Variants in DPYD observed in about 807,000 individuals in gnomAD.
DPYD encodes dihydropyrimidine dehydrogenase [NADP(+)].
DPYD carries 109 observed loss-of-function variants against 116.2 expected under a neutral mutation model. The observed-to-expected ratio is 0.94, with a 90% CI of 0.80 to 1.10. The LOEUF (loss-of-function observed/expected upper bound fraction) is 1.10, where lower values mean the gene tolerates loss of function less well. Ranked by LOEUF, DPYD falls within the 50% of genes least tolerant of loss-of-function variation. DPYD has a pLI of 0.00. For synonymous variants in DPYD, 440 were observed against 432.0 expected (o/e 1.02, Z -0.23); for missense variants, 1,302 against 1,254.5 (o/e 1.04, Z -0.57).
chr1:97,137,824 G>A (rs1247107832), intron 20 of DPYD, among the ~76,000 whole-genome samples: 1 of 151,898 alleles, frequency 6.6e-6, no homozygotes, highest in Non-Finnish European at 1.5e-5. Flanking sequence ...AACATCTCTG[G>A]CTACACAATT....
At chr1:97,876,219 T>G (rs2101627050) in intron 2 of DPYD, among the ~76,000 whole-genome samples, 1 of 152,140 alleles carries the variant, frequency 6.6e-6, no homozygotes, top group African/African-American at 2.4e-5. Flanking sequence ...CAGCAAGTAC[T>G]TCTGACTCAA....
At chr1:97,520,016 C>T (rs538825023) in intron 12 of DPYD, among the ~76,000 whole-genome samples, 1 of 152,154 alleles carries the variant, frequency 6.6e-6, no homozygotes, top group African/African-American at 2.4e-5. Flanking sequence ...AATGCATTAA[C>T]TTCCCCATAT....
intron 8 of DPYD, among the ~76,000 whole-genome samples, chr1:97,620,591 A>G (rs1656576429): frequency 6.6e-6 from 1 of 152,196 alleles, no homozygotes; most frequent in South Asian, 2.1e-4. Context: ...CTTTTTAAAC[A>G]TAGTTGGCCA....
At chr1:97,351,611 A>C (rs146525335) in intron 16 of DPYD, among the ~76,000 whole-genome samples, 1 of 152,258 alleles carries the variant, frequency 6.6e-6, no homozygotes, top group East Asian at 1.9e-4. Flanking sequence ...CAGTACACTA[A>C]CTTTTTTGAG....
intron 8 of DPYD, among the ~76,000 whole-genome samples, chr1:97,618,086 G>T (rs1656401267): frequency 1.3e-5 from 2 of 152,038 alleles, no homozygotes; most frequent in African/African-American, 4.8e-5. Flanking sequence ...CCCTTTAAGT[G>T]TTGTCACCTG....
chr1:97,740,551 T>G, intron 3 of DPYD, 72 bp from the exon 4 acceptor site: 1 of 1,266,332 alleles, frequency 7.9e-7, no homozygotes, highest in Non-Finnish European at 1.1e-6. Flanking sequence ...CTTATACTCA[T>G]TCAGAGTCCG....
chr1:97,549,704 A>AC lies in DPYD; in HGVS notation c.1379dup (p.Leu461SerfsTer12), dbSNP rs779948148. 7 of 1,613,626 alleles carry AC rather than the reference A, an allele frequency of 4.3e-6. No homozygotes were observed. The highest frequency in any genetic ancestry group is 5.9e-6 in the Non-Finnish European group (7 of 1,179,832). ...TAGTTTCTGGATCTACTTCTGGGAG[A>AC]CCCCATCTGTTAAATTTTATAGGGC... On this transcript the variant is annotated frameshift_variant, in exon 12 of 23. Transcript: ENST00000370192. LOFTEE classifies it high-confidence loss of function.
intron 3 of DPYD, among the ~76,000 whole-genome samples, chr1:97,810,492 T>TC (rs1208321259): frequency 6.6e-6 from 1 of 152,070 alleles, no homozygotes; most frequent in Non-Finnish European, 1.5e-5. Context: ...AGAAACATTC[T>TC]ACTAATGTAC....
At chr1:97,200,714 C>A (rs144885566) in intron 19 of DPYD, among the ~76,000 whole-genome samples, 6 of 152,240 alleles carry the variant, frequency 3.9e-5, no homozygotes, top group South Asian at 2.1e-4. Context: ...AGCATGGTGA[C>A]AAACAAGATT....
At chr1:97,593,460 T>C in intron 9 of DPYD, 73 bp from the exon 10 acceptor site, 2 of 1,564,238 alleles carry the variant, frequency 1.3e-6, no homozygotes, top group Non-Finnish European at 1.8e-6. Flanking sequence ...AAGATACTTG[T>C]ACTCAAAGCA....
chr1:97,488,037 G>T (rs1335410489), intron 13 of DPYD, among the ~76,000 whole-genome samples: 1 of 151,916 alleles, frequency 6.6e-6, no homozygotes, highest in Non-Finnish European at 1.5e-5. Flanking sequence ...TCCTTCAACA[G>T]GTGAATGGCT....
chr1:97,611,971 A>G (rs1024214683), intron 8 of DPYD, among the ~76,000 whole-genome samples: 2 of 152,078 alleles, frequency 1.3e-5, no homozygotes, highest in African/African-American at 4.8e-5. Context: ...AAATATTCTC[A>G]TAACTTTATT....
At chr1:97,538,620 C>T (rs1274524759) in intron 12 of DPYD, among the ~76,000 whole-genome samples, 1 of 152,174 alleles carries the variant, frequency 6.6e-6, no homozygotes, top group Middle Eastern at 3.2e-3. Context: ...TAATAAACAC[C>T]TATTTCAAAA....
chr1:97,720,555 T>C, intron 5 of DPYD: 1 of 1,048,980 alleles, frequency 9.5e-7, no homozygotes. Flanking sequence ...TTCTTTAGAA[T>C]TAACCTGTCA....
At chr1:97,522,676 G>A (rs1327219149) in intron 12 of DPYD, among the ~76,000 whole-genome samples, 1 of 150,692 alleles carries the variant, frequency 6.6e-6, no homozygotes, top group Non-Finnish European at 1.5e-5. Flanking sequence ...CCAAGATCAC[G>A]CCACTGCTCT....
intron 16 of DPYD, among the ~76,000 whole-genome samples, chr1:97,315,534 T>C (rs893276540): frequency 6.6e-6 from 1 of 151,984 alleles, no homozygotes; most frequent in Non-Finnish European, 1.5e-5. Context: ...CCTCTCTGTG[T>C]CTGATTCCTG....
At chr1:97,144,338 T>C (rs941958620) in intron 20 of DPYD, among the ~76,000 whole-genome samples, 3 of 152,128 alleles carry the variant, frequency 2.0e-5, no homozygotes, top group African/African-American at 7.2e-5. Flanking sequence ...ATGAAACAAA[T>C]ATACTCAATT....
chr1:97,277,214 G>C (rs758573664), intron 18 of DPYD, among the ~76,000 whole-genome samples: 2 of 152,014 alleles, frequency 1.3e-5, no homozygotes, highest in African/African-American at 2.4e-5. Flanking sequence ...CAGAGAAAGG[G>C]AGGAAGGAAA....
At chr1:97,807,943 A>G (rs1428942308) in intron 3 of DPYD, among the ~76,000 whole-genome samples, 1 of 151,966 alleles carries the variant, frequency 6.6e-6, no homozygotes, top group Admixed American at 6.6e-5. Context: ...ATGTAGGCCT[A>G]TTTCTGGGCT....
Sources: allele counts gnomAD v4.1 joint callset (sites outside exome capture counted in the v4.1 genomes callset), GRCh38; gene constraint gnomAD v4.1.1; transcripts MANE v1.5; gene names NCBI Gene and HGNC (gene_info 2026-07-23, HGNC 2026-07-21).